KIF26B: variants seen among roughly 807,000 people sequenced by gnomAD.
KIF26B encodes kinesin-like protein KIF26B.
Under a neutral mutation model 151.2 loss-of-function variants are expected in KIF26B, and 63 were observed. That is an observed-to-expected ratio of 0.42 (90% confidence interval 0.34 to 0.51). The LOEUF (loss-of-function observed/expected upper bound fraction) is 0.51. Ranked by LOEUF, KIF26B falls within the 20% of genes least tolerant of loss-of-function variation. The pLI, the probability that KIF26B is intolerant of heterozygous loss-of-function variation, is 0.07. For synonymous variants in KIF26B, 1,357 were observed against 1,262.1 expected (o/e 1.08, Z -1.59); for missense variants, 2,813 against 2,913.6 (o/e 0.97, Z 0.79).
intron 9 of KIF26B, among the ~76,000 whole-genome samples, chr1:245,633,222 A>G (rs896574878): frequency 6.7e-6 from 1 of 148,960 alleles, no homozygotes; most frequent in African/African-American, 2.5e-5. Flanking sequence ...CTTCATTTTC[A>G]TTCTATGTGC....
chr1:245,527,389 G>A (rs1406873521), intron 4 of KIF26B, among the ~76,000 whole-genome samples: 2 of 152,028 alleles, frequency 1.3e-5, no homozygotes, highest in African/African-American at 4.8e-5. Flanking sequence ...ATAGGCAACC[G>A]AAATAGCTGG....
At chr1:245,532,373 G>C (rs1175734560) in intron 4 of KIF26B, among the ~76,000 whole-genome samples, 1 of 151,262 alleles carries the variant, frequency 6.6e-6, no homozygotes, top group East Asian at 1.9e-4. Context: ...AGCCTCCCGA[G>C]TAGCTGGGAC....
intron 3 of KIF26B, among the ~76,000 whole-genome samples, chr1:245,403,552 G>A (rs188311434): frequency 3.3e-5 from 5 of 152,170 alleles, no homozygotes; most frequent in Middle Eastern, 3.4e-3. Flanking sequence ...GTGTGTGTGT[G>A]CGCGCGCATG....
At chr1:245,578,791 C>T (rs971260906) in intron 5 of KIF26B, among the ~76,000 whole-genome samples, 11 of 152,196 alleles carry the variant, frequency 7.2e-5, no homozygotes, top group Non-Finnish European at 1.5e-4. Context: ...AGGTGCCTTT[C>T]CTCTAGACAC....
At chr1:245,478,009 G>C (rs1033486761) in intron 4 of KIF26B, among the ~76,000 whole-genome samples, 1 of 151,700 alleles carries the variant, frequency 6.6e-6, no homozygotes, top group African/African-American at 2.4e-5. Flanking sequence ...TCTTCCAGCC[G>C]CTGGCACCCA....
chr1:245,500,145 C>T (rs1660592677), intron 4 of KIF26B, among the ~76,000 whole-genome samples: 1 of 152,218 alleles, frequency 6.6e-6, no homozygotes, highest in South Asian at 2.1e-4. Context: ...CAAAGCTATT[C>T]CTTCCAGCTC....
chr1:245,201,063 C>CA (rs1238450932), intron 2 of KIF26B, among the ~76,000 whole-genome samples: 1 of 152,196 alleles, frequency 6.6e-6, no homozygotes, highest in African/African-American at 2.4e-5. Context: ...ACACCCAAGA[C>CA]AGCTGAAGAC....
chr1:245,654,462 G>A (rs1280759028), intron 10 of KIF26B, among the ~76,000 whole-genome samples: 3 of 152,296 alleles, frequency 2.0e-5, no homozygotes, highest in African/African-American at 4.8e-5. Context: ...TCTGGGTCCC[G>A]TGTTCTGGGC....
chr1:245,552,135 G>A (rs949721969), intron 5 of KIF26B, among the ~76,000 whole-genome samples: 2,527 of 139,340 alleles, frequency 0.018, 107 homozygotes, highest in African/African-American at 0.076. Context: ...GTGTGTGTGT[G>A]TGTGTGTGTG....
At chr1:245,622,119 TG>T (rs1276226168) in intron 9 of KIF26B, among the ~76,000 whole-genome samples, 1 of 152,232 alleles carries the variant, frequency 6.6e-6, no homozygotes, top group Non-Finnish European at 1.5e-5. Context: ...GATGATATTT[TG>T]CTTTAAAAAT....
chr1:245,374,094 A>T (rs4658758), intron 3 of KIF26B, among the ~76,000 whole-genome samples: 12 of 22,158 alleles, frequency 5.4e-4, no homozygotes, highest in Non-Finnish European at 6.2e-4. Flanking sequence ...AAAAAAAAAA[A>T]ATATATATAT....
chr1:245,617,780 C>G (rs959043090), intron 9 of KIF26B, among the ~76,000 whole-genome samples: 3 of 152,192 alleles, frequency 2.0e-5, no homozygotes, highest in Non-Finnish European at 4.4e-5. Flanking sequence ...TCTCAAGCCT[C>G]CTGGCCACTC....
chr1:245,457,387 A>G (rs908257112), intron 4 of KIF26B, among the ~76,000 whole-genome samples: 1 of 152,250 alleles, frequency 6.6e-6, no homozygotes, highest in Non-Finnish European at 1.5e-5. Context: ...ACAGAGGACA[A>G]ATATCGCAAA....
chr1:245,215,133 T>C (rs935730827), intron 2 of KIF26B, among the ~76,000 whole-genome samples: 7 of 152,148 alleles, frequency 4.6e-5, no homozygotes, highest in African/African-American at 1.7e-4. Context: ...TAAAGCTCTT[T>C]CCCTGCTGTT....
chr1:245,591,531 C>T (rs1282335579), intron 5 of KIF26B, among the ~76,000 whole-genome samples: 2 of 152,168 alleles, frequency 1.3e-5, no homozygotes, highest in African/African-American at 4.8e-5. Flanking sequence ...AAACCCAGGC[C>T]GCCTGTCTCC....
intron 4 of KIF26B, among the ~76,000 whole-genome samples, chr1:245,465,379 C>A (rs926557796): frequency 1.4e-5 from 2 of 139,248 alleles, no homozygotes; most frequent in African/African-American, 5.6e-5. Context: ...AGGCGGTTGC[C>A]CCATCACCTA....
chr1:245,512,098 T>G lies in KIF26B; in HGVS notation c.1167-28669T>G, dbSNP rs1176565479. ...ATATTTTTTATGGTCATTTGCAACTTTTTAAAAAAAGTCCATACGGTAATG... is the reference window on the plus strand; with the variant it reads ...ATATTTTTTATGGTCATTTGCAACTGTTTAAAAAAAGTCCATACGGTAATG... On this transcript the variant is annotated intron_variant, in intron 4 of 14. Transcript: ENST00000407071. This position sits in a 1 kb window ranked among gnomAD's most constrained non-coding sequence, Gnocchi z 4.3. 6.6e-6 allele frequency among the ~76,000 whole-genome samples: 1 copy of G among 152,214 alleles called. No homozygotes were observed. The highest frequency in any genetic ancestry group is 1.5e-5 in the Non-Finnish European group (1 of 68,034).
intron 4 of KIF26B, among the ~76,000 whole-genome samples, chr1:245,528,234 C>T (rs1661283450): frequency 6.6e-6 from 1 of 152,080 alleles, no homozygotes; most frequent in Non-Finnish European, 1.5e-5. Flanking sequence ...CTGGGAAGAC[C>T]GAGACCCAGG....
chr1:245,173,751 T>TC (rs953854607), intron 2 of KIF26B, among the ~76,000 whole-genome samples: 20 of 151,506 alleles, frequency 1.3e-4, no homozygotes, highest in African/African-American at 3.6e-4. Context: ...GATGCAGGAG[T>TC]CCCCCCCACC....
Sources: allele counts gnomAD v4.1 joint callset (sites outside exome capture counted in the v4.1 genomes callset), GRCh38; gene constraint gnomAD v4.1.1; non-coding constraint Gnocchi (gnomAD v3.1); transcripts MANE v1.5; gene names NCBI Gene and HGNC (gene_info 2026-07-23, HGNC 2026-07-21).